PRKG1: variants seen among roughly 807,000 people sequenced by gnomAD.
PRKG1 encodes cGMP-dependent protein kinase 1.
A neutral mutation model predicts 88.1 loss-of-function variants in PRKG1; 35 were observed. That is an observed-to-expected ratio of 0.40 (90% confidence interval 0.30 to 0.53). The LOEUF (loss-of-function observed/expected upper bound fraction) is 0.53. Among genes scored for constraint, PRKG1 ranks in the 20% least tolerant of loss-of-function variants. The pLI is 0.59. For missense variants in PRKG1, 540 were observed against 839.8 expected (o/e 0.64, Z 4.41); for synonymous variants, 303 against 292.5 (o/e 1.04, Z -0.37).
At chr10:51,399,370 T>C (rs1837671342) in intron 2 of PRKG1, among the ~76,000 whole-genome samples, 2 of 152,122 alleles carry the variant, frequency 1.3e-5, no homozygotes, top group African/African-American at 2.4e-5. Context: ...CTGCCTGTCA[T>C]TGGGAAATTC....
At chr10:51,740,490 CATT>C (rs1347224254) in intron 3 of PRKG1, among the ~76,000 whole-genome samples, 1 of 152,104 alleles carries the variant, frequency 6.6e-6, no homozygotes, top group Admixed American at 6.5e-5. Flanking sequence ...TGATGAATGA[CATT>C]ATTTTATGCT....
chr10:51,283,703 G>T (rs1428035133), intron 2 of PRKG1, among the ~76,000 whole-genome samples: 2 of 152,054 alleles, frequency 1.3e-5, no homozygotes. Flanking sequence ...AGATCTTGAT[G>T]GTGTCCACAA....
At chr10:51,821,333 C>T (rs775463976) in intron 4 of PRKG1, among the ~76,000 whole-genome samples, 7 of 151,998 alleles carry the variant, frequency 4.6e-5, no homozygotes, top group South Asian at 2.1e-4. Context: ...TTTTCGTGAG[C>T]GTCTGCCTTC....
chr10:51,942,222 A>G (rs1842924980), intron 5 of PRKG1, among the ~76,000 whole-genome samples: 1 of 151,854 alleles, frequency 6.6e-6, no homozygotes, highest in Admixed American at 6.6e-5. Flanking sequence ...GCATTTTTTC[A>G]CGTGTTTTTT....
At chr10:51,340,638 C>T (rs1289250298) in intron 2 of PRKG1, among the ~76,000 whole-genome samples, 4 of 152,170 alleles carry the variant, frequency 2.6e-5, no homozygotes, top group Non-Finnish European at 5.9e-5. Flanking sequence ...TCAAATCACT[C>T]CTAAGCCAAA....
At chr10:51,155,688 C>G (rs756522706) in intron 2 of PRKG1, among the ~76,000 whole-genome samples, 3 of 151,968 alleles carry the variant, frequency 2.0e-5, no homozygotes, top group South Asian at 4.1e-4. Flanking sequence ...GCTGGCAAGT[C>G]CAAAATCTAC....
At chr10:51,144,245 G>T (rs913790255) in intron 1 of PRKG1, among the ~76,000 whole-genome samples, 1 of 151,968 alleles carries the variant, frequency 6.6e-6, no homozygotes, top group Non-Finnish European at 1.5e-5. Flanking sequence ...TTTGCTTTTG[G>T]ATTTTTATAA....
intron 5 of PRKG1, among the ~76,000 whole-genome samples, chr10:51,942,293 G>A (rs1485278751): frequency 4.3e-4 from 65 of 152,018 alleles, no homozygotes; most frequent in African/African-American, 1.5e-3. Flanking sequence ...ACTTTTTGAT[G>A]GGGTTGTTTG....
intron 2 of PRKG1, among the ~76,000 whole-genome samples, chr10:51,397,040 G>A (rs974948228): frequency 3.9e-5 from 6 of 151,902 alleles, no homozygotes; most frequent in African/African-American, 7.3e-5. Flanking sequence ...CTTATTTTAC[G>A]AAAGCAGGCA....
chr10:51,856,222 T>C (rs1465468696), intron 4 of PRKG1, among the ~76,000 whole-genome samples: 2 of 152,200 alleles, frequency 1.3e-5, no homozygotes, highest in Non-Finnish European at 2.9e-5. Context: ...AAAGTCTTAA[T>C]CACATCCACA....
At position 52,280,834 on chromosome 10, in the gene PRKG1, G is replaced by A; in HGVS notation, c.1449G>A (p.Val483=). ...CAACCAGATTTTACACAGCATGTGT[G>A]GTAGAAGCTTTTGCCTATCTGCATT... ...DSTTRFYTAC[V]VEAFAYLHSK... Residue 483 remains valine (V), a synonymous_variant, in exon 13 of 18, where the codon GTG becomes GTA. Transcript: ENST00000373980. 1.2e-6 allele frequency: 2 copies of A among 1,613,030 alleles called. No individual in the cohort carries two copies. The highest frequency in any genetic ancestry group is 1.7e-6 in the Non-Finnish European group (2 of 1,179,284).
At chr10:51,213,006 A>G (rs1009201215) in intron 2 of PRKG1, among the ~76,000 whole-genome samples, 1 of 152,192 alleles carries the variant, frequency 6.6e-6, no homozygotes, top group African/African-American at 2.4e-5. Context: ...CTATAAAGAC[A>G]CATGCACACG....
intron 3 of PRKG1, among the ~76,000 whole-genome samples, chr10:51,590,171 C>T (rs1032934742): frequency 3.3e-5 from 5 of 152,178 alleles, no homozygotes; most frequent in Admixed American, 2.0e-4. Flanking sequence ...TCATTTTCAG[C>T]ATCTGCTACA....
At chr10:51,876,946 A>T (rs1841314913) in intron 4 of PRKG1, among the ~76,000 whole-genome samples, 1 of 152,156 alleles carries the variant, frequency 6.6e-6, no homozygotes, top group Non-Finnish European at 1.5e-5. Flanking sequence ...AACTCCATTG[A>T]CTACCTTTCC....
At chr10:51,282,149 A>G (rs1840317600) in intron 2 of PRKG1, among the ~76,000 whole-genome samples, 1 of 140,462 alleles carries the variant, frequency 7.1e-6, no homozygotes, top group South Asian at 2.4e-4. Flanking sequence ...TGGAGGACAA[A>G]GAGAGTAAAA....
chr10:51,100,654 TAA>T (rs150311351), intron 1 of PRKG1, among the ~76,000 whole-genome samples: 5,058 of 152,270 alleles, frequency 0.033, 97 homozygotes, highest in Middle Eastern at 0.058. Flanking sequence ...CAGGCTTCAC[TAA>T]AGACTTACAG....
intron 3 of PRKG1, among the ~76,000 whole-genome samples, chr10:51,705,148 A>T (rs1025703092): frequency 6.6e-6 from 1 of 151,952 alleles, no homozygotes; most frequent in South Asian, 2.1e-4. Flanking sequence ...TTTGTCAGGG[A>T]TGCTTCCTTT....
At chr10:52,142,928 A>G (rs902513843) in intron 8 of PRKG1, among the ~76,000 whole-genome samples, 2 of 152,204 alleles carry the variant, frequency 1.3e-5, no homozygotes, top group Non-Finnish European at 2.9e-5. Flanking sequence ...CAATTAGCAC[A>G]GTATCAGGAA....
At chr10:51,870,202 T>C (rs113249579) in intron 4 of PRKG1, among the ~76,000 whole-genome samples, 1 of 152,200 alleles carries the variant, frequency 6.6e-6, no homozygotes, top group Admixed American at 6.5e-5. Context: ...AATGTTTACA[T>C]TGTGCATTGT....
Sources: gnomAD v4.1 joint callset for allele counts (sites outside exome capture counted in the v4.1 genomes callset) on GRCh38, gnomAD v4.1.1 for gene constraint, MANE v1.5 for transcripts, NCBI Gene and HGNC (gene_info 2026-07-23, HGNC 2026-07-21) for gene names.